CRHBP: variants seen among roughly 807,000 people sequenced by gnomAD.
CRHBP encodes corticotropin releasing hormone binding protein.
In CRHBP, 19 loss-of-function variants were observed where a neutral mutation model predicts 34.9. The observed-to-expected ratio is 0.55, with a 90% CI of 0.38 to 0.80. The LOEUF (loss-of-function observed/expected upper bound fraction) is 0.80. Ranked by LOEUF, CRHBP falls within the 30% of genes least tolerant of loss-of-function variation. The pLI, the probability that CRHBP is intolerant of heterozygous loss-of-function variation, is 0.00. For missense variants in CRHBP, 328 were observed against 409.2 expected (o/e 0.80, Z 1.71); for synonymous variants, 154 against 153.4 (o/e 1.00, Z -0.03).
intron 6 of CRHBP, 88 bp from the exon 7 acceptor site, chr5:76,968,640 C>A: frequency 7.3e-7 from 1 of 1,377,318 alleles, no homozygotes; most frequent in Non-Finnish European, 9.9e-7. Context: ...TCCTTGCTTT[C>A]ATTATGTTTA....
intron 5 of CRHBP, among the ~76,000 whole-genome samples, chr5:76,962,570 G>A (rs893695933): frequency 6.0e-5 from 9 of 151,152 alleles, no homozygotes; most frequent in Admixed American, 5.3e-4. Flanking sequence ...CTTGAGGTTA[G>A]GAGTTCAAGA....
At chr5:76,964,764 G>T (rs1297032541) in intron 6 of CRHBP, among the ~76,000 whole-genome samples, 1 of 152,172 alleles carries the variant, frequency 6.6e-6, no homozygotes, top group African/African-American at 2.4e-5. Context: ...GCTGAAGCAG[G>T]AGAATTGCTT....
chr5:76,955,680 G>A lies in CRHBP; in HGVS notation c.361G>A (p.Glu121Lys), dbSNP rs1423451788. 1.9e-6 allele frequency: 3 copies of A among 1,614,178 alleles called. No homozygotes were observed. The highest frequency in any genetic ancestry group is 2.2e-5 in the East Asian group (1 of 44,876). Residue 121 changes from glutamate to lysine, a missense_variant, in exon 4 of 7, where the codon GAG becomes AAG. This residue lies in a region of CRHBP where 173 missense variants were observed against 172.2 expected (regional missense o/e 1.00). Coordinates refer to ENST00000274368, the MANE Select transcript of CRHBP (RefSeq NM_001882.4). ...KVFDGWILKG[E>K]KFPSSQDHPL... ...ATTTGATGGTTGGATTCTCAAGGGGGAGAAGTTCCCCAGTTCCCAGGATCA... is the reference window on the plus strand; with the variant it reads ...ATTTGATGGTTGGATTCTCAAGGGGAAGAAGTTCCCCAGTTCCCAGGATCA...
Position 76,955,855 on chromosome 5 carries a change from A to G in CRHBP, c.536A>G (p.Asn179Ser), listed in dbSNP as rs774379284. 1.2e-6 allele frequency: 2 copies of G among 1,613,812 alleles called. No homozygotes were observed. The highest frequency in any genetic ancestry group is 1.1e-5 in the South Asian group (1 of 91,048). The part of the protein sequence containing the change: ...GFTLTIKTDP[N>S]LFPCNVISQT... ...ACATTAACCATAAAGACAGACCCCA[A>G]CCTCTTTCGTAAGTGTTCTCAGTCA... The change falls in exon 4 of 7, where the codon AAC (asparagine) becomes AGC (serine). Residue 179 changes from asparagine to serine, a missense_variant. Around this residue, in one of 3 missense-constraint regions of CRHBP, gnomAD observed 144 missense variants for 216.7 expected, o/e 0.66. Transcript: ENST00000274368.
chr5:76,953,810 G>A lies in CRHBP; in HGVS notation c.175+116G>A, dbSNP rs1745616794. 6 of 1,244,808 alleles carry A rather than the reference G, an allele frequency of 4.8e-6. No homozygotes were observed. In the South Asian group the frequency reaches 8.5e-5, roughly 18 times the overall value. The allele number at this position is 1,244,808 out of a possible 1,614,324, so 77.1% of individuals were successfully genotyped here. ...GAAGGGGCTGGCCGGAACCGCCAGG[G>A]GCGCGGTCCCCTTAGCTAAGGATCG... On this transcript the variant is annotated intron_variant, in intron 2 of 6. Coordinates refer to ENST00000274368, the MANE Select transcript of CRHBP (RefSeq NM_001882.4).
At chr5:76,963,525 T>G (rs7728378) in intron 6 of CRHBP, 65 bp downstream of exon 6, 1 of 1,360,482 alleles carries the variant, frequency 7.4e-7, no homozygotes. Flanking sequence ...AGCACTCCCC[T>G]AATATTTTCT....
chr5:76,953,938 C>T lies in CRHBP; in HGVS notation c.176-91C>T, dbSNP rs955944012. The T allele has an allele frequency of 1.4e-5, 21 of 1,477,150 alleles. No homozygotes were observed. In the African/African-American group the frequency reaches 1.7e-4, roughly 12 times the overall value. The allele number at this position is 1,477,150 out of a possible 1,614,324, so 91.5% of individuals were successfully genotyped here. On this transcript the variant is annotated intron_variant, in intron 2 of 6. Transcript: ENST00000274368. The stretch of plus-strand genomic sequence containing the variant: ...TCGGGGCGCTGGGCACTACAGAGCC[C>T]GGGAATGGGGCGCGCGGAGAGCGGC...
rs199929031 is a variant in CRHBP, at chr5:76,968,922, T to C, written c.*37T>C. ...AGTGATTTACATGCTGATAGCTAAG[T>C]GAGTTTTTAATGGCCATTGTGTATG... On this transcript the variant is annotated 3_prime_UTR_variant, in exon 7 of 7. Transcript: ENST00000274368. 118 of 1,598,484 alleles carry C rather than the reference T, an allele frequency of 7.4e-5. No individual in the cohort carries two copies. In the East Asian group the frequency reaches 8.7e-4, roughly 12 times the overall value.
Position 76,975,821 on chromosome 5 carries a change from A to T in CRHBP, n.312-544A>T, listed in dbSNP as rs1291961055. On this transcript the variant is annotated intron_variant and non_coding_transcript_variant, in intron 2 of 3. Coordinates refer to the CRHBP transcript ENST00000514258. The stretch of plus-strand genomic sequence containing the variant: ...TCTGTCTCAAAAAAAAAAAAAAAAA[A>T]AAAAATATATATATATATATATATA... Among the ~76,000 whole-genome samples the T allele has an allele frequency of 8.8e-3, 720 of 81,424 alleles. 13 individuals are homozygous for T. Among genetic ancestry groups the T allele is most frequent in the African/African-American group, 0.025 (305 of 12,256 alleles). The allele number at this position is 81,424 out of a possible 152,430, so 53.4% of individuals were successfully genotyped here.
intron 5 of CRHBP, 159 bp downstream of exon 5, chr5:76,959,048 T>A: frequency 1.5e-6 from 1 of 647,748 alleles, no homozygotes; most frequent in Non-Finnish European, 2.4e-6. Context: ...CTGCTTTGAC[T>A]AACCCCCTCT....
At chr5:76,975,891 C>A (rs114363187) in intron 2 of CRHBP, among the ~76,000 whole-genome samples, 1 of 128,072 alleles carries the variant, frequency 7.8e-6, no homozygotes, top group African/African-American at 3.0e-5. Flanking sequence ...TATATACACA[C>A]GTGTATATAT....
downstream of CRHBP, among the ~76,000 whole-genome samples, chr5:76,971,374 TCA>T (rs1345540718): frequency 6.6e-6 from 1 of 152,222 alleles, no homozygotes; most frequent in Non-Finnish European, 1.5e-5. Context: ...GACCTGTGTC[TCA>T]CATGTGTTGG....
At chr5:76,969,697 C>G (rs2174444), downstream of CRHBP, among the ~76,000 whole-genome samples, 3 of 151,970 alleles carry the variant, frequency 2.0e-5, no homozygotes, top group Admixed American at 2.0e-4. Context: ...TGCAGAGATT[C>G]ATTTTCCGCT....
At chr5:76,975,573 T>C (rs1746012335) in intron 2 of CRHBP, among the ~76,000 whole-genome samples, 1 of 151,360 alleles carries the variant, frequency 6.6e-6, no homozygotes, top group Non-Finnish European at 1.5e-5. Context: ...GAGGCTGAGG[T>C]GGGTGGATTA....
intron 2 of CRHBP, among the ~76,000 whole-genome samples, chr5:76,974,824 CAGAGATACG>C (rs1395656002): frequency 1.3e-5 from 2 of 152,126 alleles, no homozygotes; most frequent in Middle Eastern, 3.4e-3. Flanking sequence ...AGAAAAGAAA[CAGAGATACG>C]AGAGAGGAAA....
At chr5:76,975,825 A>AAAAAAAAAAAAAAAATATATATATAT in intron 2 of CRHBP, among the ~76,000 whole-genome samples, 1 of 61,856 alleles carries the variant, frequency 1.6e-5, no homozygotes, top group Non-Finnish European at 2.7e-5. Flanking sequence ...AAAAAAAAAA[A>AAAAAAAAAAAAAAAATATATATATAT]ATATATATAT....
chr5:76,968,535 T>C (rs1297811012), intron 6 of CRHBP, among the ~76,000 whole-genome samples, 193 bp from the exon 7 acceptor site: 1 of 152,228 alleles, frequency 6.6e-6, no homozygotes, highest in Non-Finnish European at 1.5e-5. Context: ...AATTGCACTA[T>C]TCTATAACTA....
At chr5:76,953,811 G>GC in intron 2 of CRHBP, 117 bp downstream of exon 2, 1 of 1,240,234 alleles carries the variant, frequency 8.1e-7, no homozygotes, top group Non-Finnish European at 1.1e-6. Flanking sequence ...ACCGCCAGGG[G>GC]CGCGGTCCCC....
intron 4 of CRHBP, among the ~76,000 whole-genome samples, chr5:76,956,681 G>A (rs1437022527): frequency 6.6e-6 from 1 of 151,060 alleles, no homozygotes; most frequent in Admixed American, 6.6e-5. Flanking sequence ...CTGAGATCGC[G>A]CCACTGCGCT....
Sources: allele counts gnomAD v4.1 joint callset (sites outside exome capture counted in the v4.1 genomes callset), GRCh38; gene constraint gnomAD v4.1.1; regional missense constraint gnomAD v4.1.1; transcripts MANE v1.5; gene names NCBI Gene and HGNC (gene_info 2026-07-23, HGNC 2026-07-21).